TENM3: variants seen among roughly 807,000 people sequenced by gnomAD.
TENM3 encodes teneurin transmembrane protein 3, also known as teneurin-3.
In TENM3, 63 loss-of-function variants were observed where a neutral mutation model predicts 255.1. The observed-to-expected ratio is 0.25, with a 90% CI of 0.20 to 0.30. The LOEUF (loss-of-function observed/expected upper bound fraction) is 0.30, where lower values mean the gene tolerates loss of function less well. Ranked by LOEUF, TENM3 falls within the 10% of genes least tolerant of loss-of-function variation. The probability of loss-of-function intolerance (pLI) is 1.00; values close to 1 mark genes in which losing one functional copy is unlikely to be tolerated. For missense variants in TENM3, 2,929 were observed against 3,461.1 expected (o/e 0.85, Z 3.86); for synonymous variants, 1,306 against 1,322.3 (o/e 0.99, Z 0.27).
chr4:182,022,609 G>A, the TENM3 span, among the ~76,000 whole-genome samples: 3 of 150,808 alleles, frequency 2.0e-5, no homozygotes, highest in Admixed American at 6.6e-5. Context: ...AAGATACCCA[G>A]ACTCTAAAAA....
intron 5 of TENM3, chr4:182,631,427 A>C (rs1365352862): frequency 6.6e-6 from 1 of 152,202 alleles, no homozygotes; most frequent in East Asian, 1.9e-4. Flanking sequence ...ACACTAACAC[A>C]ATGATTTTAT....
the TENM3 span, among the ~76,000 whole-genome samples, chr4:181,660,336 G>A: frequency 2.9e-4 from 44 of 152,162 alleles, no homozygotes; most frequent in South Asian, 8.7e-3. Context: ...AATCTTCAGC[G>A]AAATGGTAAT....
At chr4:181,707,673 G>A in the TENM3 span, among the ~76,000 whole-genome samples, 23 of 152,194 alleles carry the variant, frequency 1.5e-4, no homozygotes, top group South Asian at 4.2e-4. Flanking sequence ...AGAAATATCC[G>A]GTCAGATGAC....
intron 27 of TENM3, among the ~76,000 whole-genome samples, chr4:182,797,453 T>G (rs1002301110): frequency 2.0e-5 from 3 of 150,500 alleles, no homozygotes; most frequent in Non-Finnish European, 3.0e-5. Flanking sequence ...AAAAAAATAA[T>G]TAATTAATTA....
At chr4:182,256,500 T>C (rs1305039210) in intron 1 of TENM3, among the ~76,000 whole-genome samples, 2 of 152,230 alleles carry the variant, frequency 1.3e-5, no homozygotes, top group African/African-American at 4.8e-5. Context: ...AACTGTAAAC[T>C]GAAAATGCAT....
chr4:181,486,562 CA>C, the TENM3 span, among the ~76,000 whole-genome samples: 1 of 152,168 alleles, frequency 6.6e-6, no homozygotes, highest in East Asian at 1.9e-4. Flanking sequence ...CAGATAAAAT[CA>C]AATAGGACAA....
chr4:181,740,626 G>T, the TENM3 span, among the ~76,000 whole-genome samples: 1 of 151,772 alleles, frequency 6.6e-6, no homozygotes, highest in Non-Finnish European at 1.5e-5. Context: ...AGAGATCACT[G>T]CAATCAATCT....
the TENM3 span, among the ~76,000 whole-genome samples, chr4:181,553,260 AGTGTGT>A: frequency 0.048 from 6,383 of 133,412 alleles, 145 homozygotes; most frequent in Middle Eastern, 0.07. Flanking sequence ...ATAGTCATTA[AGTGTGT>A]GTGTGTGTGT....
the TENM3 span, among the ~76,000 whole-genome samples, chr4:181,982,004 G>A: frequency 6.6e-6 from 1 of 152,150 alleles, no homozygotes; most frequent in East Asian, 1.9e-4. Flanking sequence ...TGTTTGCCTG[G>A]GGAGTGAATC....
chr4:181,750,830 G>T, the TENM3 span, among the ~76,000 whole-genome samples: 1 of 152,152 alleles, frequency 6.6e-6, no homozygotes, highest in East Asian at 1.9e-4. Flanking sequence ...TGATATAAAA[G>T]AATGCTGTTG....
chr4:181,526,437 A>C, the TENM3 span, among the ~76,000 whole-genome samples: 1 of 152,136 alleles, frequency 6.6e-6, no homozygotes, highest in Admixed American at 6.5e-5. Context: ...TATCTGCTTA[A>C]GTTGTAGCCA....
At chr4:181,760,969 TACACACACACAC>T in the TENM3 span, among the ~76,000 whole-genome samples, 5,142 of 50,636 alleles carry the variant, frequency 0.1, 140 homozygotes, top group Middle Eastern at 0.24. Context: ...ACCACACACA[TACACACACACAC>T]ACACACACAC....
intron 22 of TENM3, among the ~76,000 whole-genome samples, chr4:182,763,882 A>T (rs1763430310): frequency 6.6e-6 from 1 of 152,222 alleles, no homozygotes; most frequent in Admixed American, 6.5e-5. Flanking sequence ...CCAGGAATTT[A>T]TCTTTATGTT....
At chr4:182,069,791 G>A in the TENM3 span, among the ~76,000 whole-genome samples, 1 of 151,876 alleles carries the variant, frequency 6.6e-6, no homozygotes, top group Non-Finnish European at 1.5e-5. Flanking sequence ...ATCTTGACAG[G>A]GCTTCTAACT....
chr4:181,575,218 A>T, the TENM3 span, among the ~76,000 whole-genome samples: 1 of 152,066 alleles, frequency 6.6e-6, no homozygotes. Context: ...TAATTTAGGA[A>T]ATTTAGAAGC....
At chr4:181,569,224 T>C in the TENM3 span, among the ~76,000 whole-genome samples, 92,983 of 151,964 alleles carry the variant, frequency 0.61, 30,007 homozygotes, top group African/African-American at 0.82. Context: ...TGCTCTTTCT[T>C]ATTGTGTCTG....
At chr4:181,986,820 G>T in the TENM3 span, among the ~76,000 whole-genome samples, 1 of 152,178 alleles carries the variant, frequency 6.6e-6, no homozygotes, top group East Asian at 1.9e-4. Flanking sequence ...ATTAAATGAT[G>T]ACATAGATAT....
intron 24 of TENM3, among the ~76,000 whole-genome samples, chr4:182,776,009 T>G (rs980586026): frequency 2.0e-5 from 3 of 150,850 alleles, no homozygotes; most frequent in Non-Finnish European, 3.0e-5. Context: ...AGGAGATATA[T>G]ATAGATAGGA....
the TENM3 span, among the ~76,000 whole-genome samples, chr4:182,013,085 C>A: frequency 6.6e-6 from 1 of 152,244 alleles, no homozygotes; most frequent in African/African-American, 2.4e-5. Context: ...TCCACTTTTC[C>A]CCTTGAATGA....
Sources: gnomAD v4.1 joint callset for allele counts (sites outside exome capture counted in the v4.1 genomes callset) on GRCh38, gnomAD v4.1.1 for gene constraint, MANE v1.5 for transcripts, NCBI Gene and HGNC (gene_info 2026-07-23, HGNC 2026-07-21) for gene names.